Variants in CCL24 observed in about 807,000 individuals in gnomAD.
CCL24 encodes the protein C-C motif chemokine ligand 24, also known as C-C motif chemokine 24.
Under a neutral mutation model 8.6 loss-of-function variants are expected in CCL24, and 6 were observed. The ratio of observed to expected loss-of-function variants is 0.70; its 90% CI spans 0.38 to 1.38. The LOEUF is 1.38. CCL24 is among the 40% of genes most tolerant of loss of function. The probability of loss-of-function intolerance (pLI) is 0.02; values close to 1 mark genes in which losing one functional copy is unlikely to be tolerated. For missense variants in CCL24, 126 were observed against 147.1 expected (o/e 0.86, Z 0.74); for synonymous variants, 59 against 52.7 (o/e 1.12, Z -0.52).
chr7:75,820,022 C>CTTCTTCTTG (rs1563353732), intron 1 of CCL24, among the ~76,000 whole-genome samples: 2 of 84,946 alleles, frequency 2.4e-5, no homozygotes, highest in Non-Finnish European at 2.4e-5. Context: ...TAAACTACTT[C>CTTCTTCTTG]TTCTTCTTCT....
chr7:75,819,286 AAAAAAAAAAAAAAAAAAATATATATAT>A (rs1351489631), intron 1 of CCL24, among the ~76,000 whole-genome samples: 4 of 27,696 alleles, frequency 1.4e-4, no homozygotes, highest in African/African-American at 3.8e-4. Context: ...AAAAAAAAAA[AAAAAAAAAAAAAAAAAAATATATATAT>A]ATATATATAT....
chr7:75,818,965 CA>C (rs1377445993), intron 1 of CCL24, among the ~76,000 whole-genome samples: 1 of 150,508 alleles, frequency 6.6e-6, no homozygotes, highest in Non-Finnish European at 1.5e-5. Context: ...TATAGTAATA[CA>C]AGATTTCCCT....
At chr7:75,816,814 G>A (rs181497306), upstream of CCL24, among the ~76,000 whole-genome samples, 1,154 of 149,140 alleles carry the variant, frequency 7.7e-3, 15 homozygotes, top group African/African-American at 0.027. Flanking sequence ...CACCCACCTC[G>A]GCCCCCCAAC....
chr7:75,813,635 G>A lies in CCL24; in HGVS notation c.73+8C>T, dbSNP rs1470170426. On this transcript the variant is annotated splice_region_variant and intron_variant, in intron 1 of 2. Coordinates refer to ENST00000222902, the MANE Select transcript of CCL24 (RefSeq NM_002991.3). ...GCCCTTGGAACTGCATCCTGTCGGA[G>A]GTCTTACCCGTAGGGATGATGTGGT... 6.2e-7 allele frequency: 1 copy of A among 1,610,704 alleles called. No homozygotes were observed. The highest frequency in any genetic ancestry group is 8.5e-7 in the Non-Finnish European group (1 of 1,176,892).
At chr7:75,815,179 A>G (rs1360269272), upstream of CCL24, among the ~76,000 whole-genome samples, 2 of 151,888 alleles carry the variant, frequency 1.3e-5, no homozygotes, top group Non-Finnish European at 2.9e-5. Context: ...TCTCCAAAAG[A>G]AATAGAAAAA....
chr7:75,814,778 A>G (rs534423712), upstream of CCL24, among the ~76,000 whole-genome samples: 2 of 152,004 alleles, frequency 1.3e-5, no homozygotes, highest in South Asian at 2.1e-4. Flanking sequence ...GAGGTGGCCA[A>G]TGTCTGCCAG....
upstream of CCL24, among the ~76,000 whole-genome samples, chr7:75,816,165 A>T: frequency 6.6e-6 from 1 of 152,218 alleles, no homozygotes; most frequent in Non-Finnish European, 1.5e-5. Flanking sequence ...CACCTGTGCC[A>T]TGGCCAGCAT....
intron 1 of CCL24, among the ~76,000 whole-genome samples, chr7:75,819,382 TGG>T (rs1431647956): frequency 1.9e-4 from 25 of 132,054 alleles, no homozygotes; most frequent in Non-Finnish European, 4.7e-5. Flanking sequence ...CCCAGTACTT[TGG>T]GAGGCTGAGG....
intron 1 of CCL24, among the ~76,000 whole-genome samples, chr7:75,820,073 C>CTTCTT (rs1554534820): frequency 7.2e-6 from 1 of 138,354 alleles, no homozygotes; most frequent in African/African-American, 2.6e-5. Context: ...TCTTCTTCTT[C>CTTCTT]TTCTTCTTCT....
chr7:75,819,006 C>T lies in CCL24; in HGVS notation c.-60+4316G>A, dbSNP rs890719394. Among the ~76,000 whole-genome samples the T allele has an allele frequency of 3.3e-5, 5 of 150,722 alleles. No homozygotes were observed. In the East Asian group the frequency reaches 7.8e-4, roughly 23 times the overall value. On this transcript the variant is annotated intron_variant, in intron 1 of 3. Transcript: ENST00000416943. Reference sequence around the variant, plus strand: ...TAAGAAATATGAGGGCCAGGGCTCACGCTTGTAATCCCAGCACTTTGGGAG... The same window carrying T: ...TAAGAAATATGAGGGCCAGGGCTCATGCTTGTAATCCCAGCACTTTGGGAG...
intron 1 of CCL24, among the ~76,000 whole-genome samples, chr7:75,820,124 TCTTCTTCTC>T (rs1434703054): frequency 4.5e-5 from 6 of 132,614 alleles, no homozygotes; most frequent in African/African-American, 1.3e-4. Context: ...TTCTTCTTCT[TCTTCTTCTC>T]CTCCTCCTCC....
upstream of CCL24, among the ~76,000 whole-genome samples, chr7:75,816,317 C>T (rs1471683035): frequency 1.3e-5 from 2 of 152,094 alleles, no homozygotes; most frequent in African/African-American, 4.8e-5. Flanking sequence ...CTGATGGAGG[C>T]AAGACTGAAG....
upstream of CCL24, among the ~76,000 whole-genome samples, chr7:75,817,448 C>T (rs547939523): frequency 6.6e-6 from 1 of 151,460 alleles, no homozygotes; most frequent in Non-Finnish European, 1.5e-5. Flanking sequence ...TGCTTCACCC[C>T]AGATTAGTAA....
upstream of CCL24, among the ~76,000 whole-genome samples, chr7:75,816,861 C>CAAA (rs57957590): frequency 1.0e-5 from 1 of 98,344 alleles, no homozygotes; most frequent in Non-Finnish European, 2.1e-5. Context: ...TGCACCTGGC[C>CAAA]AAAAAAAAAA....
Position 75,811,749 on chromosome 7 carries a change from G to T in CCL24, c.*47C>A. 1 of 1,543,380 alleles carries T rather than the reference G, an allele frequency of 6.5e-7. No individual in the cohort carries two copies. The highest frequency in any genetic ancestry group is 8.8e-7 in the Non-Finnish European group (1 of 1,139,842). ...GGCTTCTCCAGGCCCCGAGTAGCCC[G>T]CCAAGCAGCTCAGGCCCAAACTCAG... is the stretch of plus-strand genomic sequence containing the variant. On this transcript the variant is annotated 3_prime_UTR_variant, in exon 3 of 3. Coordinates refer to ENST00000222902, the MANE Select transcript of CCL24 (RefSeq NM_002991.3).
intron 1 of CCL24, among the ~76,000 whole-genome samples, chr7:75,819,717 C>CCA (rs144249293): frequency 2.6e-5 from 4 of 151,378 alleles, no homozygotes; most frequent in Admixed American, 6.6e-5. Flanking sequence ...TAAAAGTAGA[C>CCA]CACACACACA....
At chr7:75,815,498 C>CA (rs1159897096), upstream of CCL24, among the ~76,000 whole-genome samples, 11 of 151,664 alleles carry the variant, frequency 7.3e-5, no homozygotes, top group Admixed American at 3.3e-4. Context: ...AAAAAGAAAA[C>CA]AAAAAAACCA....
chr7:75,817,208 A>G (rs199609741), upstream of CCL24, among the ~76,000 whole-genome samples: 4 of 151,916 alleles, frequency 2.6e-5, no homozygotes, highest in African/African-American at 9.7e-5. Context: ...TTTGCTCCCC[A>G]GTGATTCAGA....
Position 75,811,621 on chromosome 7 carries a change from C to T in CCL24, c.*175G>A, listed in dbSNP as rs574681153. ...ATGCTTGGAGCCATTGCTCAGCCCC[C>T]GGGAACCACATCACCTGCTCCCTCG... On this transcript the variant is annotated 3_prime_UTR_variant, in exon 3 of 3. Coordinates refer to ENST00000222902, the MANE Select transcript of CCL24 (RefSeq NM_002991.3). 71 of 568,080 alleles carry T rather than the reference C, an allele frequency of 1.2e-4. No individual in the cohort carries two copies. The East Asian group carries it at 1.9e-3, about 16-fold the overall frequency. 35.2% of individuals were successfully genotyped at this position (568,080 alleles called of 1,614,324 possible).
Sources: allele counts gnomAD v4.1 joint callset (sites outside exome capture counted in the v4.1 genomes callset), GRCh38; gene constraint gnomAD v4.1.1; transcripts MANE v1.5; gene names NCBI Gene and HGNC (gene_info 2026-07-23, HGNC 2026-07-21).